EDEM3: variants seen among roughly 807,000 people sequenced by gnomAD.
EDEM3 encodes the protein ER degradation-enhancing alpha-mannosidase-like protein 3.
A neutral mutation model predicts 110.2 loss-of-function variants in EDEM3; 60 were observed. The ratio of observed to expected loss-of-function variants is 0.54; its 90% confidence interval spans 0.44 to 0.67. The LOEUF (loss-of-function observed/expected upper bound fraction) is 0.67, where lower values mean the gene tolerates loss of function less well. Ranked by LOEUF, EDEM3 falls within the 30% of genes least tolerant of loss-of-function variation. The pLI is 0.00. For synonymous variants in EDEM3, 352 were observed against 382.9 expected (o/e 0.92, Z 0.94); for missense variants, 996 against 1,121.0 (o/e 0.89, Z 1.59).
intron 9 of EDEM3, 54 bp from the exon 10 acceptor site, chr1:184,719,622 T>A: frequency 6.4e-7 from 1 of 1,573,182 alleles, no homozygotes. Flanking sequence ...GAGGTACTAC[T>A]CTAAACACAT....
rs1649118751 is a variant in EDEM3, at chr1:184,692,794, A to AG, written c.*1268_*1269insC. 7.6e-6 allele frequency: 1 copy of AG among 131,616 alleles called. No homozygotes were observed. The highest frequency in any genetic ancestry group is 2.5e-5 in the African/African-American group (1 of 39,950). The allele number at this position is 131,616 out of a possible 1,614,324, so 8.2% of individuals were successfully genotyped here. ...ACTACAACAACAACAAACCAAAAAAAAAAAGGGGGGGGGTGGAAGTCTCAT... is the reference window on the plus strand; with the variant it reads ...ACTACAACAACAACAAACCAAAAAAAGAAAAGGGGGGGGGTGGAAGTCTCAT... On this transcript the variant is annotated 3_prime_UTR_variant, in exon 20 of 20. Coordinates refer to ENST00000318130, the MANE Select transcript of EDEM3 (RefSeq NM_025191.4).
chr1:184,701,591 C>T, intron 19 of EDEM3: 1 of 1,196,260 alleles, frequency 8.4e-7, no homozygotes, highest in Middle Eastern at 2.3e-4. Context: ...AAAGCAAATG[C>T]ATTAAAGAGT....
At chr1:184,738,880 T>C (rs1315213308) in intron 2 of EDEM3, among the ~76,000 whole-genome samples, 2 of 152,156 alleles carry the variant, frequency 1.3e-5, no homozygotes, top group Non-Finnish European at 2.9e-5. Context: ...GGCTTTTAAC[T>C]TTATCTTGCT....
At chr1:184,754,209 C>A (rs1652952930) in intron 1 of EDEM3, among the ~76,000 whole-genome samples, 1 of 152,194 alleles carries the variant, frequency 6.6e-6, no homozygotes, top group Non-Finnish European at 1.5e-5. Flanking sequence ...CTTCTTGGGC[C>A]ACTGACATGG....
chr1:184,720,154 A>G (rs1018293579), intron 9 of EDEM3, among the ~76,000 whole-genome samples: 1 of 152,220 alleles, frequency 6.6e-6, no homozygotes, highest in Non-Finnish European at 1.5e-5. Context: ...ATAACAAGCC[A>G]ACAAAAATAG....
chr1:184,747,575 A>G (rs938433907), intron 2 of EDEM3, among the ~76,000 whole-genome samples: 16 of 152,262 alleles, frequency 1.1e-4, no homozygotes, highest in African/African-American at 2.4e-5. Flanking sequence ...ATAGTTGAAC[A>G]TTTTAAAATA....
In EDEM3 at chr1:184,754,855, G is replaced by C. The variant is rs555107672; in HGVS notation, c.-209C>G. ...ACCGCCCTCCGCCCTCAGTATCCCGGAGCGCCTCCCCCAGCTTTCCGGTGT... is the reference window on the plus strand; with the variant it reads ...ACCGCCCTCCGCCCTCAGTATCCCGCAGCGCCTCCCCCAGCTTTCCGGTGT... On this transcript the variant is annotated 5_prime_UTR_variant, in exon 1 of 20. Coordinates refer to ENST00000318130, the MANE Select transcript of EDEM3 (RefSeq NM_025191.4). 121 of 780,494 alleles carry C rather than the reference G, an allele frequency of 1.6e-4. 3 individuals carry two copies. The South Asian group carries it at 2.3e-3, about 15-fold the overall frequency. 48.3% of individuals were successfully genotyped at this position (780,494 alleles called of 1,614,324 possible).
intron 19 of EDEM3, among the ~76,000 whole-genome samples, chr1:184,698,365 C>G (rs1209231376): frequency 1.3e-5 from 2 of 151,658 alleles, no homozygotes; most frequent in Non-Finnish European, 3.0e-5. Context: ...AAACAAAAAC[C>G]TGGAAATAAT....
chr1:184,727,243 T>C (rs999491641), intron 6 of EDEM3, among the ~76,000 whole-genome samples: 1 of 152,204 alleles, frequency 6.6e-6, no homozygotes, highest in Non-Finnish European at 1.5e-5. Flanking sequence ...TGAGCTGAGA[T>C]AGCGCCACAG....
intron 18 of EDEM3, 48 bp from the exon 19 acceptor site, chr1:184,703,044 A>G (rs775921906): frequency 6.9e-7 from 1 of 1,446,626 alleles, no homozygotes; most frequent in Admixed American, 2.2e-5. Context: ...CAGCCATTAA[A>G]AAGATCTATC....
At chr1:184,704,649 C>CAAAAAAAAAAAA (rs58913815) in intron 18 of EDEM3, among the ~76,000 whole-genome samples, 1 of 29,914 alleles carries the variant, frequency 3.3e-5, no homozygotes, top group African/African-American at 1.1e-4. Flanking sequence ...GACTCTGTCT[C>CAAAAAAAAAAAA]AAAAAAAAAA....
intron 16 of EDEM3, among the ~76,000 whole-genome samples, chr1:184,709,211 G>A (rs1053455933): frequency 6.6e-6 from 1 of 152,098 alleles, no homozygotes; most frequent in African/African-American, 2.4e-5. Flanking sequence ...GAGTAAACAA[G>A]AAAGAGATAA....
chr1:184,717,535 C>A lies in EDEM3; in HGVS notation c.1245+5G>T. On this transcript the variant is annotated splice_donor_5th_base_variant and intron_variant, in intron 12 of 19. Transcript: ENST00000318130. ...CTTTAAGTAAAATGGGGTATATTTT[C>A]TTACTTTATATAAGAAGTAGGTACT... is the stretch of plus-strand genomic sequence containing the variant. The A allele has an allele frequency of 6.2e-7, 1 of 1,600,590 alleles. No individual in the cohort carries two copies. Among genetic ancestry groups the A allele is most frequent in the Non-Finnish European group, 8.5e-7 (1 of 1,173,828 alleles).
Position 184,745,801 on chromosome 1 carries a change from T to C in EDEM3, c.204+3746A>G, listed in dbSNP as rs117915219. ...ACTCTATCCAAGCTTATTTTTAATG[T>C]TTAGGGCTCTTACCAGAATATAGTT... On this transcript the variant is annotated intron_variant, in intron 2 of 19. Transcript: ENST00000318130. Among the ~76,000 whole-genome samples the C allele has an allele frequency of 2.2e-3, 340 of 152,310 alleles. 4 individuals carry two copies. In the East Asian group the frequency reaches 0.03, roughly 13 times the overall value.
chr1:184,742,677 C>G (rs957310878), intron 2 of EDEM3, among the ~76,000 whole-genome samples: 1 of 152,240 alleles, frequency 6.6e-6, no homozygotes, highest in Admixed American at 6.5e-5. Flanking sequence ...GCGTGAGCCA[C>G]CATGCCCAGC....
At chr1:184,729,940 A>G (rs960016294) in intron 6 of EDEM3, among the ~76,000 whole-genome samples, 2 of 152,220 alleles carry the variant, frequency 1.3e-5, no homozygotes, top group Non-Finnish European at 2.9e-5. Flanking sequence ...AGTAAACTGA[A>G]TTAAGTAAAT....
At chr1:184,728,455 C>T (rs1173172536) in intron 6 of EDEM3, among the ~76,000 whole-genome samples, 1 of 152,086 alleles carries the variant, frequency 6.6e-6, no homozygotes, top group African/African-American at 2.4e-5. Context: ...CGTTTTAGTA[C>T]AATAATACTT....
intron 6 of EDEM3, among the ~76,000 whole-genome samples, chr1:184,731,744 T>G (rs1558062633): frequency 6.6e-6 from 1 of 152,230 alleles, no homozygotes; most frequent in Non-Finnish European, 1.5e-5. Flanking sequence ...TTCTGCAGCA[T>G]AATCTAATCT....
chr1:184,695,500 TG>T (rs1302074609), intron 19 of EDEM3, among the ~76,000 whole-genome samples: 1 of 152,054 alleles, frequency 6.6e-6, no homozygotes, highest in African/African-American at 2.4e-5. Flanking sequence ...CATCCTCCCA[TG>T]TACTTTAAAT....
Sources: gnomAD v4.1 joint callset for allele counts (sites outside exome capture counted in the v4.1 genomes callset) on GRCh38, gnomAD v4.1.1 for gene constraint, MANE v1.5 for transcripts, NCBI Gene and HGNC (gene_info 2026-07-23, HGNC 2026-07-21) for gene names.